The following RGS7BP variants were observed in gnomAD, a reference collection of about 807,000 sequenced individuals.
RGS7BP encodes regulator of G protein signaling 7 binding protein, also known as regulator of G protein signaling 7-binding protein.
In RGS7BP, 9 loss-of-function variants were observed where a neutral mutation model predicts 31.3. That is an observed-to-expected ratio of 0.29 (90% CI 0.17 to 0.50). The LOEUF is 0.50. Among genes scored for constraint, RGS7BP ranks in the 20% least tolerant of loss-of-function variants. The pLI is 0.98. For missense variants in RGS7BP, 274 were observed against 322.0 expected (o/e 0.85, Z 1.14); for synonymous variants, 115 against 120.1 (o/e 0.96, Z 0.28).
intron 2 of RGS7BP, among the ~76,000 whole-genome samples, chr5:64,551,649 C>G (rs1251756251): frequency 2.7e-5 from 4 of 150,208 alleles, no homozygotes; most frequent in Non-Finnish European, 5.9e-5. Flanking sequence ...ACTATTAAGA[C>G]CAAAGGGATT....
Position 64,518,387 on chromosome 5 carries a change from G to A in RGS7BP, c.332+10510G>A, listed in dbSNP as rs532222319. On this transcript the variant is annotated intron_variant, in intron 2 of 5. Transcript: ENST00000334025. ...GGTGGCGGGGGTGGGGCTGGTGACT[G>A]AGAAGAAACAAACAAAAGAGAGTAT... is the stretch of plus-strand genomic sequence containing the variant. 4.0e-5 allele frequency among the ~76,000 whole-genome samples: 6 copies of A among 151,762 alleles called. No homozygotes were observed. The East Asian group carries it at 1.2e-3, about 29-fold the overall frequency.
chr5:64,533,431 G>A (rs1227403832), intron 2 of RGS7BP, among the ~76,000 whole-genome samples: 2 of 152,116 alleles, frequency 1.3e-5, no homozygotes, highest in South Asian at 2.1e-4. Flanking sequence ...CCCAGAACAC[G>A]AGTTCTTAAG....
chr5:64,529,540 A>AT (rs1251309255), intron 2 of RGS7BP, among the ~76,000 whole-genome samples: 1 of 152,194 alleles, frequency 6.6e-6, no homozygotes, highest in African/African-American at 2.4e-5. Flanking sequence ...TGTGATGCCC[A>AT]TTGGAATCGC....
chr5:64,564,076 A>G (rs73111070), intron 2 of RGS7BP, among the ~76,000 whole-genome samples: 2,408 of 152,284 alleles, frequency 0.016, 55 homozygotes, highest in African/African-American at 0.054. Context: ...ATCTCTTAAC[A>G]TTGAATAGGA....
chr5:64,526,377 G>A (rs1749230931), intron 2 of RGS7BP, among the ~76,000 whole-genome samples: 2 of 152,198 alleles, frequency 1.3e-5, no homozygotes, highest in Admixed American at 6.5e-5. Context: ...AGGCCCTGGA[G>A]TGGGAACCTG....
intron 2 of RGS7BP, among the ~76,000 whole-genome samples, chr5:64,560,300 G>T (rs1742022141): frequency 6.6e-6 from 1 of 151,970 alleles, no homozygotes. Flanking sequence ...CAAATGATCA[G>T]GCCCCACCCC....
intron 2 of RGS7BP, among the ~76,000 whole-genome samples, chr5:64,527,142 A>G (rs1483581062): frequency 6.6e-6 from 1 of 152,226 alleles, no homozygotes; most frequent in African/African-American, 2.4e-5. Context: ...GAGAGACTGT[A>G]TTATACCATT....
intron 2 of RGS7BP, among the ~76,000 whole-genome samples, chr5:64,570,850 A>G (rs1439214004): frequency 1.3e-5 from 2 of 152,150 alleles, no homozygotes; most frequent in African/African-American, 4.8e-5. Context: ...CCAGCAATCC[A>G]TATTATTTTT....
intron 2 of RGS7BP, 72 bp from the exon 3 acceptor site, chr5:64,575,702 G>A (rs988573971): frequency 1.5e-5 from 22 of 1,511,304 alleles, no homozygotes; most frequent in South Asian, 2.7e-5. Context: ...TTTCCCTCTC[G>A]GAGCTGAGAC....
In RGS7BP at chr5:64,609,346, T is replaced by G; in HGVS notation, c.*94T>G. ...GCTGAACCACACAGTTATTGGTTTT[T>G]GACTATGTTTTCTATGCTTCCTTAT... On this transcript the variant is annotated 3_prime_UTR_variant, in exon 6 of 6. Transcript: ENST00000334025. The G allele has an allele frequency of 1.3e-6, 1 of 757,988 alleles. No homozygotes were observed. The highest frequency in any genetic ancestry group is 1.4e-5 in the South Asian group (1 of 69,054). The allele number at this position is 757,988 out of a possible 1,614,324, so 47.0% of individuals were successfully genotyped here. A position where few individuals can be genotyped will look rare whatever the true frequency, so the allele number is the denominator to read the frequency against.
chr5:64,571,292 G>T (rs1030858263), intron 2 of RGS7BP, among the ~76,000 whole-genome samples: 1 of 152,122 alleles, frequency 6.6e-6, no homozygotes, highest in Non-Finnish European at 1.5e-5. Context: ...TTCTATTGTA[G>T]AAGTGTACTA....
chr5:64,540,726 G>A (rs1741506555), intron 2 of RGS7BP, among the ~76,000 whole-genome samples: 1 of 152,190 alleles, frequency 6.6e-6, no homozygotes, highest in Admixed American at 6.5e-5. Flanking sequence ...CTCTTGTGAA[G>A]GATGAAGGGG....
At chr5:64,566,767 T>C (rs1742179794) in intron 2 of RGS7BP, among the ~76,000 whole-genome samples, 3 of 151,980 alleles carry the variant, frequency 2.0e-5, no homozygotes, top group Admixed American at 6.6e-5. Flanking sequence ...TTGTGTAGAC[T>C]GTATGGTCAC....
intron 2 of RGS7BP, among the ~76,000 whole-genome samples, chr5:64,525,392 G>C (rs545065688): frequency 1.3e-5 from 2 of 152,274 alleles, no homozygotes; most frequent in South Asian, 4.1e-4. Context: ...TGTGGTTTTA[G>C]ACTTCAACTT....
At chr5:64,577,242 T>G (rs1190771921) in intron 3 of RGS7BP, among the ~76,000 whole-genome samples, 1 of 151,924 alleles carries the variant, frequency 6.6e-6, no homozygotes, top group African/African-American at 2.4e-5. Context: ...ATTGAGACCA[T>G]CCTGGCTAAC....
In RGS7BP at chr5:64,609,328, C is replaced by G. The variant is rs546187115; in HGVS notation, c.*76C>G. The G allele has an allele frequency of 1.2e-6, 1 of 829,768 alleles. No homozygotes were observed. The highest frequency in any genetic ancestry group is 2.1e-6 in the Non-Finnish European group (1 of 468,178). 51.4% of individuals were successfully genotyped at this position (829,768 alleles called of 1,614,324 possible). A position where few individuals can be genotyped will look rare whatever the true frequency, so the allele number is the denominator to read the frequency against. On this transcript the variant is annotated 3_prime_UTR_variant, in exon 6 of 6. Transcript: ENST00000334025. ...CCCGAGGACCTCCAGACAGCTGAAC[C>G]ACACAGTTATTGGTTTTTGACTATG...
At chr5:64,565,969 C>A (rs1176223745) in intron 2 of RGS7BP, among the ~76,000 whole-genome samples, 1 of 151,950 alleles carries the variant, frequency 6.6e-6, no homozygotes, top group Admixed American at 6.6e-5. Context: ...CAATAACACT[C>A]CAGGATCCAA....
At chr5:64,563,036 C>A (rs1477332136) in intron 2 of RGS7BP, among the ~76,000 whole-genome samples, 1 of 151,908 alleles carries the variant, frequency 6.6e-6, no homozygotes, top group Non-Finnish European at 1.5e-5. Context: ...GCTCCTTTTT[C>A]CTGCTTGCAC....
chr5:64,543,961 A>T (rs950444784), intron 2 of RGS7BP, among the ~76,000 whole-genome samples: 5 of 152,246 alleles, frequency 3.3e-5, no homozygotes, highest in African/African-American at 1.2e-4. Flanking sequence ...AGCATTTTTT[A>T]AAAACTTTTC....
Sources: allele counts gnomAD v4.1 joint callset (sites outside exome capture counted in the v4.1 genomes callset), GRCh38; gene constraint gnomAD v4.1.1; transcripts MANE v1.5; gene names NCBI Gene and HGNC (gene_info 2026-07-23, HGNC 2026-07-21).